The following DDIAS variants were observed in gnomAD, a reference collection of about 807,000 sequenced individuals.
DDIAS encodes the protein DNA damage-induced apoptosis suppressor protein.
In DDIAS, 14 loss-of-function variants were observed where a neutral mutation model predicts 15.7. The ratio of observed to expected loss-of-function variants is 0.89; its 90% CI spans 0.59 to 1.39. DDIAS has a LOEUF of 1.39. Among genes scored for constraint, DDIAS ranks in the 40% most tolerant of loss-of-function variants. DDIAS has a pLI of 0.00. For missense variants in DDIAS, 1,035 were observed against 1,130.9 expected (o/e 0.92, Z 1.22); for synonymous variants, 355 against 395.9 (o/e 0.90, Z 1.23).
At chr11:82,919,791 G>T (rs1268457294) in intron 3 of DDIAS, among the ~76,000 whole-genome samples, 5 of 152,154 alleles carry the variant, frequency 3.3e-5, no homozygotes, top group Non-Finnish European at 5.9e-5. Flanking sequence ...GAGTGCAGTG[G>T]CGTGATCTCA....
chr11:82,911,296 CAGT>C (rs1860526573), intron 1 of DDIAS, among the ~76,000 whole-genome samples: 1 of 152,212 alleles, frequency 6.6e-6, no homozygotes, highest in Non-Finnish European at 1.5e-5. Flanking sequence ...GTTTTACTCA[CAGT>C]AGAACTTCTT....
At chr11:82,927,126 G>A (rs1860879627) in intron 3 of DDIAS, among the ~76,000 whole-genome samples, 1 of 152,144 alleles carries the variant, frequency 6.6e-6, no homozygotes, top group African/African-American at 2.4e-5. Flanking sequence ...AATAATGTAT[G>A]TTGAAAACAT....
At chr11:82,913,452 C>A in intron 2 of DDIAS, 66 bp downstream of exon 2, 1 of 239,122 alleles carries the variant, frequency 4.2e-6, no homozygotes, top group Non-Finnish European at 8.3e-6. Context: ...CCTGTGTTTC[C>A]CAGGCTGGTC....
In DDIAS at chr11:82,932,106, T is replaced by G. The variant is rs762013862; in HGVS notation, c.768T>G (p.Asp256Glu). 6.2e-7 allele frequency: 1 copy of G among 1,614,200 alleles called. No homozygotes were observed. The highest frequency in any genetic ancestry group is 1.1e-5 in the South Asian group (1 of 91,080). ...TTGTTTCACAACTAACAGATAATGA[T>G]GATTTTTCAGCTTCAGAACAAAGTA... The part of the protein sequence containing the change: ...TCIVSQLTDN[D>E]DFSASEQSKA... The change falls in exon 6 of 6, where the codon GAT becomes GAG. Residue 256 changes from aspartate (D) to glutamate (E), a missense_variant. By Grantham distance (45) the Asp-to-Glu change is conservative. Coordinates refer to ENST00000533655, the MANE Select transcript of DDIAS (RefSeq NM_145018.4).
intron 1 of DDIAS, among the ~76,000 whole-genome samples, chr11:82,910,806 G>A (rs1485648893): frequency 6.6e-6 from 1 of 151,528 alleles, no homozygotes; most frequent in Non-Finnish European, 1.5e-5. Context: ...TTGGAGAGAT[G>A]AGGTCTCACC....
rs551402933 is a variant in DDIAS, at chr11:82,921,586, T to C, written c.113+6735T>C. Among the ~76,000 whole-genome samples the C allele has an allele frequency of 7.8e-3, 1,133 of 144,588 alleles. 10 individuals are homozygous for C. Among genetic ancestry groups the C allele is most frequent in the African/African-American group, 0.028 (1,085 of 39,316 alleles). 94.9% of individuals were successfully genotyped at this position (144,588 alleles called of 152,430 possible). A position where few individuals can be genotyped will look rare whatever the true frequency, so the allele number is the denominator to read the frequency against. On this transcript the variant is annotated intron_variant, in intron 3 of 5. Coordinates refer to ENST00000533655, the MANE Select transcript of DDIAS (RefSeq NM_145018.4). Reference sequence around the variant, plus strand: ...TTCTTTCTTTCTTTTTTTTTTTTTTTTTTTTTTTTGAGACGGAGTTTCGCT... The same window carrying C: ...TTCTTTCTTTCTTTTTTTTTTTTTTCTTTTTTTTTGAGACGGAGTTTCGCT...
In DDIAS at chr11:82,934,430, G is replaced by C. The variant is rs1861077751; in HGVS notation, c.*95G>C. On this transcript the variant is annotated 3_prime_UTR_variant, in exon 6 of 6. Transcript: ENST00000533655. The stretch of plus-strand genomic sequence containing the variant: ...AGCATTCTTTACATTTTGAACACTT[G>C]GAGAGAAGCAAATTGAAAACAGGAC... The C allele has an allele frequency of 3.9e-6, 5 of 1,290,354 alleles. No individual in the cohort carries two copies. In the South Asian group the frequency reaches 8.0e-5, roughly 21 times the overall value. 79.9% of individuals were successfully genotyped at this position (1,290,354 alleles called of 1,614,324 possible).
intron 3 of DDIAS, among the ~76,000 whole-genome samples, chr11:82,924,487 C>G (rs1860816759): frequency 1.3e-5 from 2 of 152,150 alleles, no homozygotes; most frequent in Non-Finnish European, 2.9e-5. Context: ...ACCAGTTCTT[C>G]TACATCTGGG....
chr11:82,933,035 A>C lies in DDIAS; in HGVS notation c.1697A>C (p.Glu566Ala), dbSNP rs1303572669. 6.2e-7 allele frequency: 1 copy of C among 1,607,180 alleles called. No individual in the cohort carries two copies. Among genetic ancestry groups the C allele is most frequent in the Admixed American group, 1.7e-5 (1 of 59,958 alleles). ...ACTATCAGAATCTCACCACACAGGG[A>C]GAGTGACCATTCTAGTCTAAATAAC... ...KKTIRISPHRESDHSSLNNKY... is the reference protein window; with the variant it reads ...KKTIRISPHRASDHSSLNNKY... Residue 566 changes from glutamate to alanine, a missense_variant, in exon 6 of 6, where the codon GAG becomes GCG. Transcript: ENST00000533655.
intron 3 of DDIAS, among the ~76,000 whole-genome samples, chr11:82,920,002 C>T (rs1305778758): frequency 1.3e-5 from 2 of 152,188 alleles, no homozygotes; most frequent in Non-Finnish European, 2.9e-5. Flanking sequence ...GGATTACAGG[C>T]GTGAGGCACC....
intron 1 of DDIAS, among the ~76,000 whole-genome samples, chr11:82,909,520 A>C (rs1425305869): frequency 1.3e-5 from 2 of 152,152 alleles, no homozygotes; most frequent in African/African-American, 2.4e-5. Context: ...TTTTATTCAA[A>C]CACATCTGAC....
intron 1 of DDIAS, among the ~76,000 whole-genome samples, chr11:82,904,775 G>A (rs1249305239): frequency 6.6e-6 from 1 of 152,188 alleles, no homozygotes; most frequent in East Asian, 1.9e-4. Flanking sequence ...TGCAGAGGTT[G>A]TAATCAATGA....
At chr11:82,914,548 A>G in intron 2 of DDIAS, 175 bp from the exon 3 acceptor site, 1 of 490,304 alleles carries the variant, frequency 2.0e-6, no homozygotes, top group African/African-American at 2.0e-5. Context: ...TCCTATTAAT[A>G]TTTTAAGGAG....
At chr11:82,908,375 T>A (rs777930755) in intron 1 of DDIAS, among the ~76,000 whole-genome samples, 3 of 152,148 alleles carry the variant, frequency 2.0e-5, no homozygotes, top group Non-Finnish European at 2.9e-5. Flanking sequence ...TCATTCTAAA[T>A]AGCAGGATTT....
At position 82,928,934 on chromosome 11, in the gene DDIAS, C is replaced by T; in HGVS notation, c.271C>T (p.His91Tyr). Reference protein sequence around the residue: ...TFFGLTATGLHRYIQDPNKIP... With the variant: ...TFFGLTATGLYRYIQDPNKIP... ...TTTTGGTCTTACTGCCACTGGTTTG[C>T]ACAGGTAAGAATACTTAAAACATCC... is the stretch of plus-strand genomic sequence containing the variant. Residue 91 changes from histidine (H) to tyrosine (Y), a missense_variant, in exon 4 of 6, where the codon CAC (histidine) becomes TAC (tyrosine). Transcript: ENST00000533655. 1 of 1,610,780 alleles carries T rather than the reference C, an allele frequency of 6.2e-7. No homozygotes were observed. Among genetic ancestry groups the T allele is most frequent in the Non-Finnish European group, 8.5e-7 (1 of 1,179,194 alleles).
chr11:82,911,534 A>G (rs1429250356), intron 1 of DDIAS, among the ~76,000 whole-genome samples: 1 of 152,202 alleles, frequency 6.6e-6, no homozygotes, highest in Non-Finnish European at 1.5e-5. Flanking sequence ...TTCAGGCTCC[A>G]CTTTTTAATT....
Position 82,932,394 on chromosome 11 carries a change from T to C in DDIAS, c.1056T>C (p.Asn352=), listed in dbSNP as rs755529381. 2 of 1,614,086 alleles carry C rather than the reference T, an allele frequency of 1.2e-6. No individual in the cohort carries two copies. ...TGCGAGAGCCCCTTGAGTCAAGTAATACAAAATCCTTCCACAGTGCAGTGG... is the reference window on the plus strand; with the variant it reads ...TGCGAGAGCCCCTTGAGTCAAGTAACACAAAATCCTTCCACAGTGCAGTGG... ...LEMREPLESS[N]TKSFHSAVEI... Residue 352 remains asparagine, a synonymous_variant, in exon 6 of 6, where the codon AAT becomes AAC. Transcript: ENST00000533655.
chr11:82,931,598 A>C (rs1860987370), intron 5 of DDIAS, 134 bp from the exon 6 acceptor site: 1 of 725,500 alleles, frequency 1.4e-6, no homozygotes, highest in Non-Finnish European at 2.2e-6. Context: ...GGCTCAAGTG[A>C]TCTGCCTGCC....
At chr11:82,925,773 G>A (rs1306002094) in intron 3 of DDIAS, among the ~76,000 whole-genome samples, 2 of 152,222 alleles carry the variant, frequency 1.3e-5, no homozygotes, top group East Asian at 3.9e-4. Flanking sequence ...CGGATCATGA[G>A]GTCAGGAGAT....
Sources: allele counts gnomAD v4.1 joint callset (sites outside exome capture counted in the v4.1 genomes callset), GRCh38; gene constraint gnomAD v4.1.1; transcripts MANE v1.5; gene names NCBI Gene and HGNC (gene_info 2026-07-23, HGNC 2026-07-21).